The following DPYD variants were observed in gnomAD, a reference collection of about 807,000 sequenced individuals.
DPYD encodes dihydropyrimidine dehydrogenase [NADP(+)].
Under a neutral mutation model 116.2 loss-of-function variants are expected in DPYD, and 109 were observed. The ratio of observed to expected loss-of-function variants is 0.94; its 90% CI spans 0.80 to 1.10. The LOEUF (loss-of-function observed/expected upper bound fraction) is 1.10, where lower values mean the gene tolerates loss of function less well. DPYD is among the 50% of genes least tolerant of loss of function. The probability of loss-of-function intolerance (pLI) is 0.00; values close to 1 mark genes in which losing one functional copy is unlikely to be tolerated. For missense variants in DPYD, 1,302 were observed against 1,254.5 expected (o/e 1.04, Z -0.57); for synonymous variants, 440 against 432.0 (o/e 1.02, Z -0.23).
chr1:97,173,479 TATATA>T (rs1657015608), intron 20 of DPYD, among the ~76,000 whole-genome samples: 1 of 150,072 alleles, frequency 6.7e-6, no homozygotes, highest in Admixed American at 6.7e-5. Flanking sequence ...ACATAATGTG[TATATA>T]TATACACGCA....
intron 13 of DPYD, 45 bp from the exon 14 acceptor site, chr1:97,450,268 A>G: frequency 6.2e-7 from 1 of 1,605,364 alleles, no homozygotes; most frequent in Non-Finnish European, 8.5e-7. Context: ...GACAAAGAAA[A>G]GCTATAATCT....
chr1:97,570,207 AATT>A (rs779843817), intron 11 of DPYD, among the ~76,000 whole-genome samples: 19 of 151,952 alleles, frequency 1.3e-4, no homozygotes, highest in Non-Finnish European at 2.2e-4. Context: ...ATCTCCTTTC[AATT>A]TTCCAATTAG....
intron 3 of DPYD, among the ~76,000 whole-genome samples, chr1:97,764,515 C>A (rs1185352264): frequency 2.0e-5 from 3 of 152,018 alleles, no homozygotes; most frequent in Non-Finnish European, 4.4e-5. Flanking sequence ...ATTTGTCTTT[C>A]AGTTCTAAGC....
At chr1:97,676,073 T>A (rs1252027091) in intron 8 of DPYD, among the ~76,000 whole-genome samples, 1 of 152,128 alleles carries the variant, frequency 6.6e-6, no homozygotes, top group Non-Finnish European at 1.5e-5. Flanking sequence ...AAAAACTACC[T>A]ATGTAACCAA....
At position 97,568,096 on chromosome 1, in the gene DPYD, G is replaced by A. The variant is rs532544223; in HGVS notation, c.1339+5664C>T. On this transcript the variant is annotated intron_variant, in intron 11 of 22. Transcript: ENST00000370192. ...AAAATATATAATACAGTTACAGACT[G>A]TTCAATCTTTTTTTCAGGAAAAAAA... 3.9e-5 allele frequency among the ~76,000 whole-genome samples: 6 copies of A among 151,968 alleles called. No individual in the cohort carries two copies. The East Asian group carries it at 9.7e-4, about 25-fold the overall frequency.
At chr1:97,112,128 T>C (rs1489394433) in intron 20 of DPYD, among the ~76,000 whole-genome samples, 1 of 152,140 alleles carries the variant, frequency 6.6e-6, no homozygotes, top group African/African-American at 2.4e-5. Flanking sequence ...GAATTACTTA[T>C]GTACACAGTG....
intron 14 of DPYD, among the ~76,000 whole-genome samples, chr1:97,385,813 A>G (rs1198402311): frequency 6.6e-6 from 1 of 152,156 alleles, no homozygotes; most frequent in Non-Finnish European, 1.5e-5. Flanking sequence ...GATAAGATAT[A>G]TCCTCTCAAG....
chr1:97,467,546 G>A (rs1295434269), intron 13 of DPYD, among the ~76,000 whole-genome samples: 1 of 152,156 alleles, frequency 6.6e-6, no homozygotes, highest in Non-Finnish European at 1.5e-5. Flanking sequence ...CATCAGGGAG[G>A]TCAGGATTTA....
At chr1:97,897,354 T>G (rs1673130683) in intron 1 of DPYD, among the ~76,000 whole-genome samples, 1 of 151,894 alleles carries the variant, frequency 6.6e-6, no homozygotes, top group Admixed American at 6.6e-5. Context: ...TTGACCAATT[T>G]GATTATGATG....
At chr1:97,161,560 T>C (rs571539110) in intron 20 of DPYD, among the ~76,000 whole-genome samples, 14 of 152,270 alleles carry the variant, frequency 9.2e-5, no homozygotes, top group Non-Finnish European at 1.8e-4. Context: ...AAGTCTTTTT[T>C]AAATTTAATT....
intron 16 of DPYD, among the ~76,000 whole-genome samples, chr1:97,352,798 C>T (rs941792705): frequency 6.6e-6 from 1 of 151,936 alleles, no homozygotes; most frequent in Non-Finnish European, 1.5e-5. Context: ...GTGCACCTTT[C>T]GTGAAGGGAA....
At chr1:97,249,384 G>C (rs865812470) in intron 18 of DPYD, among the ~76,000 whole-genome samples, 6 of 151,652 alleles carry the variant, frequency 4.0e-5, no homozygotes, top group Admixed American at 1.3e-4. Context: ...TAAGAGGAAG[G>C]GGGGAGAAAA....
chr1:97,688,347 T>C (rs1660843536), intron 7 of DPYD, among the ~76,000 whole-genome samples: 1 of 152,150 alleles, frequency 6.6e-6, no homozygotes, highest in South Asian at 2.1e-4. Context: ...ATATTTTTAT[T>C]GTATACTGAA....
At chr1:97,325,717 G>C (rs1286696172) in intron 16 of DPYD, among the ~76,000 whole-genome samples, 2 of 151,978 alleles carry the variant, frequency 1.3e-5, no homozygotes, top group Non-Finnish European at 2.9e-5. Context: ...GAAGGTGATT[G>C]TAGTTTGGAA....
rs1661811601 is a variant in DPYD, at chr1:97,234,973, G to A, written c.2321C>T (p.Ala774Val). The A allele has an allele frequency of 1.2e-6, 2 of 1,613,922 alleles. No individual in the cohort carries two copies. Among genetic ancestry groups the A allele is most frequent in the Admixed American group, 1.7e-5 (1 of 59,992 alleles). The change falls in exon 19 of 23, where the codon GCT (alanine) becomes GTT (valine). Residue 774 changes from alanine to valine, a missense_variant. By Grantham distance (64) the Ala-to-Val change is moderately conservative (BLOSUM62 0). Coordinates refer to ENST00000370192, the MANE Select transcript of DPYD (RefSeq NM_000110.4). ...GVSGTAIRPI[A>V]LRAVTSIARA... Reference sequence around the variant, plus strand: ...AGCAATGGAGGTCACAGCTCTCAAAGCAATAGGTCTGATTGCTGTCCCTAC... The same window carrying A: ...AGCAATGGAGGTCACAGCTCTCAAAACAATAGGTCTGATTGCTGTCCCTAC...
chr1:97,633,919 T>C (rs1657417966), intron 8 of DPYD, among the ~76,000 whole-genome samples: 1 of 152,082 alleles, frequency 6.6e-6, no homozygotes, highest in Non-Finnish European at 1.5e-5. Flanking sequence ...ATAAGAGTTG[T>C]TCTTCCTTTC....
chr1:97,557,455 A>G (rs1651829850), intron 11 of DPYD, among the ~76,000 whole-genome samples: 2 of 151,510 alleles, frequency 1.3e-5, no homozygotes, highest in Admixed American at 1.3e-4. Flanking sequence ...AGCTGGGATT[A>G]CAGGCGCTTG....
At chr1:97,756,246 T>C (rs950708048) in intron 3 of DPYD, among the ~76,000 whole-genome samples, 4 of 152,170 alleles carry the variant, frequency 2.6e-5, no homozygotes, top group African/African-American at 9.7e-5. Flanking sequence ...GCAGCAGCCA[T>C]ACCACAAAGC....
intron 13 of DPYD, among the ~76,000 whole-genome samples, chr1:97,486,188 T>G (rs1035280853): frequency 6.6e-6 from 1 of 152,174 alleles, no homozygotes; most frequent in Non-Finnish European, 1.5e-5. Context: ...TGCTTGTTTT[T>G]GAAATTTATA....
Sources: allele counts gnomAD v4.1 joint callset (sites outside exome capture counted in the v4.1 genomes callset), GRCh38; gene constraint gnomAD v4.1.1; transcripts MANE v1.5; gene names NCBI Gene and HGNC (gene_info 2026-07-23, HGNC 2026-07-21).